SAXO2: variants seen among roughly 807,000 people sequenced by gnomAD.
SAXO2 encodes stabilizer of axonemal microtubules 2.
A neutral mutation model predicts 18.7 loss-of-function variants in SAXO2; 17 were observed. The ratio of observed to expected loss-of-function variants is 0.91; its 90% CI spans 0.62 to 1.36. The LOEUF is 1.36. Ranked by LOEUF, SAXO2 falls within the 40% of genes most tolerant of loss-of-function variation. The pLI is 0.00. For synonymous variants in SAXO2, 163 were observed against 181.2 expected, an observed-to-expected ratio of 0.90 and a Z score of 0.81; for missense variants, 486 against 562.6, an observed-to-expected ratio of 0.86 and a Z score of 1.38.
intron 3 of SAXO2, among the ~76,000 whole-genome samples, chr15:82,277,550 A>G (rs193004535): frequency 6.6e-6 from 1 of 152,342 alleles, no homozygotes; most frequent in Non-Finnish European, 1.5e-5. Flanking sequence ...GAATATTCAG[A>G]TTCTGTGTAG....
intron 1 of SAXO2, 39 bp from the exon 2 acceptor site, chr15:82,265,529 AT>A (rs1436243681): frequency 6.2e-6 from 8 of 1,289,664 alleles, no homozygotes; most frequent in South Asian, 4.8e-5. Flanking sequence ...ATAACACAAA[AT>A]TTTTTTAAGG....
Position 82,282,128 on chromosome 15 carries a change from G to A in SAXO2, c.443G>A (p.Arg148Lys), listed in dbSNP as rs150692799. 13 of 1,592,932 alleles carry A rather than the reference G, an allele frequency of 8.2e-6. No individual in the cohort carries two copies. The African/African-American group carries it at 1.5e-4, about 18-fold the overall frequency. Residue 148 changes from arginine (R) to lysine (K), a missense_variant, in exon 4 of 4, where the codon AGA becomes AAA. By Grantham distance (26) the Arg-to-Lys change is conservative. Coordinates refer to ENST00000682753, the MANE Select transcript of SAXO2 (RefSeq NM_001348699.2). ...DTVPTYKDDY[R>K]AWDLHKSELY... ...TGTTTTAATTTTCAAGACGATTATA[G>A]AGCTTGGGACCTTCATAAAAGTGAA...
In SAXO2 at chr15:82,262,948, T is replaced by C. The variant is rs777176500; in HGVS notation, c.53+16T>C. ...GTAGCTGCGGGTAAGAAACGGCTGG[T>C]GTAGCGGCGGGCCCGGGCTTGGGAG... On this transcript the variant is annotated intron_variant, in intron 1 of 3. Transcript: ENST00000682753. The C allele has an allele frequency of 6.9e-6, 11 of 1,588,864 alleles. No individual in the cohort carries two copies. In the South Asian group the frequency reaches 1.3e-4, roughly 18 times the overall value.
chr15:82,280,757 C>T (rs2075356072), intron 3 of SAXO2, among the ~76,000 whole-genome samples: 1 of 152,198 alleles, frequency 6.6e-6, no homozygotes, highest in South Asian at 2.1e-4. Context: ...AGCTTTACCT[C>T]CTGGCATCCT....
intron 3 of SAXO2, among the ~76,000 whole-genome samples, chr15:82,278,413 A>C (rs1270634519): frequency 6.6e-6 from 1 of 152,236 alleles, no homozygotes; most frequent in African/African-American, 2.4e-5. Flanking sequence ...ACAAAGCAGC[A>C]AGAATTTATA....
chr15:82,270,010 C>T (rs193148393), intron 2 of SAXO2, among the ~76,000 whole-genome samples: 187 of 152,178 alleles, frequency 1.2e-3, no homozygotes, highest in Non-Finnish European at 2.0e-3. Flanking sequence ...GGGGAAATAG[C>T]GAGTTGATTT....
intron 2 of SAXO2, among the ~76,000 whole-genome samples, chr15:82,268,937 C>G (rs2075244901): frequency 6.6e-6 from 1 of 152,204 alleles, no homozygotes; most frequent in Non-Finnish European, 1.5e-5. Flanking sequence ...TTGCTTTTCC[C>G]TTCCTGATTC....
intron 3 of SAXO2, among the ~76,000 whole-genome samples, chr15:82,272,837 G>A (rs182692097): frequency 1.3e-4 from 20 of 151,108 alleles, no homozygotes; most frequent in East Asian, 5.9e-4. Context: ...GCCACCACGC[G>A]TGGCCCAAAA....
intron 2 of SAXO2, among the ~76,000 whole-genome samples, chr15:82,271,242 T>G (rs1469248124): frequency 6.6e-6 from 1 of 152,190 alleles, no homozygotes; most frequent in Non-Finnish European, 1.5e-5. Flanking sequence ...GGTAATATAT[T>G]TTTTAAACTT....
intron 1 of SAXO2, chr15:82,263,226 C>G: frequency 6.8e-7 from 1 of 1,465,680 alleles, no homozygotes; most frequent in East Asian, 2.5e-5. Context: ...GGATATAACG[C>G]TGGTGAGTAG....
chr15:82,274,147 A>G (rs2075295400), intron 3 of SAXO2, among the ~76,000 whole-genome samples: 1 of 152,040 alleles, frequency 6.6e-6, no homozygotes, highest in Non-Finnish European at 1.5e-5. Context: ...ACACGCACAC[A>G]CTTATACCAA....
In SAXO2 at chr15:82,282,184, CCTA is replaced by C. The variant is rs1478764220; in HGVS notation, c.502_504del (p.Thr168del). ...TAAGCCAGAACAAACTTACCACCCG[CCTA>C]CTGTGAAATTTGGAAATTCAACTAC... is the stretch of plus-strand genomic sequence containing the variant. On this transcript the variant is annotated inframe_deletion, in exon 4 of 4. Transcript: ENST00000682753. 7 of 1,613,860 alleles carry C rather than the reference CCTA, an allele frequency of 4.3e-6. No homozygotes were observed. Among genetic ancestry groups the C allele is most frequent in the Non-Finnish European group, 5.9e-6 (7 of 1,179,918 alleles).
At position 82,282,749 on chromosome 15, in the gene SAXO2, G is replaced by T. The variant is rs1248491573; in HGVS notation, c.1064G>T (p.Cys355Phe). Residue 355 changes from cysteine (C) to phenylalanine (F), a missense_variant, in exon 4 of 4, where the codon TGT becomes TTT. Cys to Phe is a radical substitution (Grantham distance 205). Transcript: ENST00000682753. ...GAAGATTTTCCAGCATGGGAAAGTT[G>T]TCGTCAAGGACTTATTAAGAAGCAG... ...MKEDFPAWES[C>F]RQGLIKKQQQ... 6.2e-7 allele frequency: 1 copy of T among 1,614,096 alleles called. No homozygotes were observed. The highest frequency in any genetic ancestry group is 8.5e-7 in the Non-Finnish European group (1 of 1,180,040).
chr15:82,282,027 G>A (rs1213488166), intron 3 of SAXO2, 92 bp from the exon 4 acceptor site: 6 of 968,440 alleles, frequency 6.2e-6, no homozygotes, highest in Non-Finnish European at 7.7e-6. Flanking sequence ...ATGGAAAGAT[G>A]TTTGGCAATG....
At position 82,265,667 on chromosome 15, in the gene SAXO2, A is replaced by G. The variant is rs910399422; in HGVS notation, c.152A>G (p.Asn51Ser). Residue 51 changes from asparagine (N) to serine (S), a missense_variant, in exon 2 of 4, where the codon AAT (asparagine) becomes AGT (serine). Physicochemically the swap from Asn to Ser is conservative, Grantham distance 46 (BLOSUM62 1). Coordinates refer to ENST00000682753, the MANE Select transcript of SAXO2 (RefSeq NM_001348699.2). The stretch of plus-strand genomic sequence containing the variant: ...TTGGAAAAATATCCTATGTATGACA[A>G]TGTTCTTCCACCTCAGAGTCTTAAA... ...EYLEKYPMYD[N>S]VLPPQSLKAK... is the part of the protein sequence containing the mutation. 10 of 1,518,470 alleles carry G rather than the reference A, an allele frequency of 6.6e-6. No homozygotes were observed. The African/African-American group carries it at 8.4e-5, about 13-fold the overall frequency. 94.1% of individuals were successfully genotyped at this position (1,518,470 alleles called of 1,614,324 possible).
intron 3 of SAXO2, among the ~76,000 whole-genome samples, chr15:82,272,494 GC>G (rs1296931196): frequency 4.6e-5 from 7 of 152,122 alleles, no homozygotes; most frequent in African/African-American, 1.7e-4. Context: ...TACAAGTTGG[GC>G]CATGTATGCT....
chr15:82,264,332 A>G (rs1316287187), intron 1 of SAXO2, among the ~76,000 whole-genome samples: 9 of 151,146 alleles, frequency 6.0e-5, no homozygotes, highest in Non-Finnish European at 1.0e-4. Context: ...AAGTGCTGGG[A>G]TTACAGGCGT....
chr15:82,265,875 G>A, intron 2 of SAXO2, 127 bp downstream of exon 2: 2 of 521,918 alleles, frequency 3.8e-6, no homozygotes, highest in South Asian at 8.3e-5. Context: ...ATAGTCAAGA[G>A]ACTAGTTAAG....
At chr15:82,266,647 A>G (rs1479001700) in intron 2 of SAXO2, among the ~76,000 whole-genome samples, 1 of 152,128 alleles carries the variant, frequency 6.6e-6, no homozygotes, top group Non-Finnish European at 1.5e-5. Context: ...TCTCCTAGCT[A>G]ATGCTCATTC....
Sources: allele counts gnomAD v4.1 joint callset (sites outside exome capture counted in the v4.1 genomes callset), GRCh38; gene constraint gnomAD v4.1.1; transcripts MANE v1.5; gene names NCBI Gene and HGNC (gene_info 2026-07-23, HGNC 2026-07-21).